Variants in BIN2 observed in about 807,000 individuals in gnomAD.
The protein encoded by BIN2 is bridging integrator 2, also known as breast cancer associated protein BRAP1.
Under a neutral mutation model 67.9 loss-of-function variants are expected in BIN2, and 43 were observed. The ratio of observed to expected loss-of-function variants is 0.63; its 90% confidence interval spans 0.50 to 0.82. The LOEUF is 0.82. Among genes scored for constraint, BIN2 ranks in the 40% least tolerant of loss-of-function variants. The probability of loss-of-function intolerance (pLI) is 0.00; values close to 1 mark genes in which losing one functional copy is unlikely to be tolerated. For synonymous variants in BIN2, 244 were observed against 246.8 expected, an observed-to-expected ratio of 0.99 and a Z score of 0.11; for missense variants, 581 against 671.6, an observed-to-expected ratio of 0.87 and a Z score of 1.49.
At chr12:51,295,924 G>A (rs200511170) in intron 8 of BIN2, 46 bp from the exon 9 acceptor site, 11 of 1,502,712 alleles carry the variant, frequency 7.3e-6, no homozygotes, top group African/African-American at 2.8e-5. Context: ...CTGGGAACCC[G>A]AGAGTGGCAT....
chr12:51,320,959 A>ACACACACACACACACACG (rs1195713238), intron 1 of BIN2, among the ~76,000 whole-genome samples: 2 of 151,758 alleles, frequency 1.3e-5, no homozygotes, highest in Non-Finnish European at 2.9e-5. Context: ...ACACAAACAC[A>ACACACACACACACACACG]CACACACACA....
At chr12:51,287,031 A>C (rs1174125304) in intron 11 of BIN2, among the ~76,000 whole-genome samples, 1 of 152,136 alleles carries the variant, frequency 6.6e-6, no homozygotes, top group Non-Finnish European at 1.5e-5. Context: ...TATGTTGCCC[A>C]GGCTGATCTT....
chr12:51,322,783 T>G (rs572160222), intron 1 of BIN2: 7 of 120,622 alleles, frequency 5.8e-5, no homozygotes, highest in African/African-American at 2.2e-4. Flanking sequence ...TAACGAAGTC[T>G]GGCTACACGA....
intron 10 of BIN2, among the ~76,000 whole-genome samples, 157 bp from the exon 11 acceptor site, chr12:51,288,345 C>T (rs954931337): frequency 5.3e-5 from 8 of 152,104 alleles, no homozygotes; most frequent in Non-Finnish European, 1.0e-4. Context: ...TGTGATCTAA[C>T]GAGTGTCAGA....
At position 51,318,465 on chromosome 12, in the gene BIN2, T is replaced by C. The variant is rs148948260; in HGVS notation, c.82-4562A>G. ...TTAGTAGAGACAGGGTTTCGCCATG[T>C]TGGCCAGGCTGGTCTTGAATTCCTG... On this transcript the variant is annotated intron_variant, in intron 1 of 12. Transcript: ENST00000615107. Among the ~76,000 whole-genome samples the C allele has an allele frequency of 1.5e-3, 223 of 152,310 alleles. 3 individuals carry two copies. In the East Asian group the frequency reaches 0.026, roughly 18 times the overall value.
chr12:51,311,937 A>G (rs1946007779), intron 2 of BIN2, among the ~76,000 whole-genome samples: 1 of 151,998 alleles, frequency 6.6e-6, no homozygotes, highest in African/African-American at 2.4e-5. Context: ...ACGCCCAGCT[A>G]ATTTTTGTAT....
chr12:51,309,946 G>A (rs1945955404), intron 2 of BIN2, among the ~76,000 whole-genome samples: 1 of 152,146 alleles, frequency 6.6e-6, no homozygotes. Context: ...TTTCAACCTG[G>A]AGTTGGAAAT....
intron 2 of BIN2, among the ~76,000 whole-genome samples, chr12:51,306,497 G>A (rs1255768904): frequency 3.3e-5 from 5 of 152,104 alleles, no homozygotes; most frequent in Admixed American, 3.3e-4. Flanking sequence ...TGTGGTGGTG[G>A]GTGCCAGTAA....
At chr12:51,303,474 T>C (rs1468806503) in intron 2 of BIN2, among the ~76,000 whole-genome samples, 1 of 152,178 alleles carries the variant, frequency 6.6e-6, no homozygotes, top group Non-Finnish European at 1.5e-5. Context: ...CACCCTCCTC[T>C]CTGGGTAAAG....
intron 2 of BIN2, among the ~76,000 whole-genome samples, chr12:51,304,832 C>G (rs896966577): frequency 6.6e-6 from 1 of 150,478 alleles, no homozygotes; most frequent in East Asian, 2.0e-4. Context: ...CTGGCTAACA[C>G]GGTGAAAGCC....
chr12:51,298,191 G>T (rs1945620683), intron 7 of BIN2, among the ~76,000 whole-genome samples: 1 of 152,298 alleles, frequency 6.6e-6, no homozygotes, highest in Non-Finnish European at 1.5e-5. Context: ...GGCCAACATG[G>T]TGAAACCCCA....
At chr12:51,291,155 GCAAA>G (rs200472697) in intron 10 of BIN2, among the ~76,000 whole-genome samples, 5 of 151,466 alleles carry the variant, frequency 3.3e-5, no homozygotes, top group African/African-American at 1.2e-4. Flanking sequence ...TCTCAAAAAA[GCAAA>G]CAAACAAACA....
rs553368915 is a variant in BIN2, at chr12:51,298,681, A to C, written c.602+522T>G. Among the ~76,000 whole-genome samples, 6 of 152,330 alleles carry C rather than the reference A, an allele frequency of 3.9e-5. No homozygotes were observed. In the South Asian group the frequency reaches 1.2e-3, roughly 32 times the overall value. On this transcript the variant is annotated intron_variant, in intron 7 of 12. Coordinates refer to ENST00000615107, the MANE Select transcript of BIN2 (RefSeq NM_016293.4). ...TATGTACACTAATAAGTGACAATAT[A>C]AAATATTCTGACCATAATTCTATTA...
At chr12:51,316,849 T>G (rs1320437556) in intron 1 of BIN2, among the ~76,000 whole-genome samples, 1 of 152,132 alleles carries the variant, frequency 6.6e-6, no homozygotes, top group Non-Finnish European at 1.5e-5. Flanking sequence ...TACAGTCCAA[T>G]TGTTGTTTTA....
At chr12:51,285,626 C>T (rs1448534325) in intron 11 of BIN2, among the ~76,000 whole-genome samples, 1 of 131,496 alleles carries the variant, frequency 7.6e-6, no homozygotes, top group African/African-American at 2.7e-5. Flanking sequence ...TTCTTTCTTT[C>T]TTTTTTTTTT....
At chr12:51,309,409 C>T (rs192495834) in intron 2 of BIN2, among the ~76,000 whole-genome samples, 36 of 152,304 alleles carry the variant, frequency 2.4e-4, no homozygotes, top group Admixed American at 1.5e-3. Context: ...ATGCTGAAGT[C>T]CCAGCACCAA....
intron 1 of BIN2, among the ~76,000 whole-genome samples, chr12:51,316,933 A>G (rs1946149269): frequency 6.6e-6 from 1 of 152,024 alleles, no homozygotes; most frequent in Admixed American, 6.6e-5. Context: ...CTGGAGTACA[A>G]TGGCGTGATC....
At chr12:51,282,433 C>T (rs1303852695) in intron 12 of BIN2, among the ~76,000 whole-genome samples, 1 of 152,144 alleles carries the variant, frequency 6.6e-6, no homozygotes, top group Non-Finnish European at 1.5e-5. Flanking sequence ...CAGCACAACA[C>T]ATTACTCACA....
chr12:51,288,569 C>T (rs1050698869), intron 10 of BIN2, among the ~76,000 whole-genome samples: 1 of 151,956 alleles, frequency 6.6e-6, no homozygotes, highest in Non-Finnish European at 1.5e-5. Flanking sequence ...AAATATAAGC[C>T]TCAGGAAGGC....
Sources: gnomAD v4.1 joint callset for allele counts (sites outside exome capture counted in the v4.1 genomes callset) on GRCh38, gnomAD v4.1.1 for gene constraint, MANE v1.5 for transcripts, NCBI Gene and HGNC (gene_info 2026-07-23, HGNC 2026-07-21) for gene names.